Variants in INSC observed in about 807,000 individuals in gnomAD.
INSC encodes INSC spindle orientation adaptor protein.
Under a neutral mutation model 58.6 loss-of-function variants are expected in INSC, and 67 were observed. The ratio of observed to expected loss-of-function variants is 1.14; its 90% CI spans 0.94 to 1.40. The LOEUF is 1.40. INSC is among the 40% of genes most tolerant of loss of function. The pLI is 0.00. For synonymous variants in INSC, 262 were observed against 276.1 expected (o/e 0.95, Z 0.51); for missense variants, 714 against 692.0 (o/e 1.03, Z -0.36).
At chr11:15,163,083 C>T (rs1254584853) in intron 2 of INSC, among the ~76,000 whole-genome samples, 1 of 152,208 alleles carries the variant, frequency 6.6e-6, no homozygotes, top group Non-Finnish European at 1.5e-5. Flanking sequence ...CCCAACATCA[C>T]TCTGTCATCA....
chr11:15,156,553 A>G lies in INSC; in HGVS notation c.56+7323A>G, dbSNP rs1045894519. Among the ~76,000 whole-genome samples the G allele has an allele frequency of 3.3e-5, 5 of 152,244 alleles. No individual in the cohort carries two copies. The South Asian group carries it at 8.3e-4, about 25-fold the overall frequency. On this transcript the variant is annotated intron_variant, in intron 2 of 12. Coordinates refer to ENST00000379556, the MANE Select transcript of INSC (RefSeq NM_001042536.3). ...GATTGTTTTGAGGGTTAATTAAGCC[A>G]TTAAGATTGAATCAAGCATTTAGCA...
chr11:15,137,533 C>G (rs1277871868), intron 1 of INSC, among the ~76,000 whole-genome samples: 1 of 152,224 alleles, frequency 6.6e-6, no homozygotes, highest in Non-Finnish European at 1.5e-5. Flanking sequence ...ACTTGCTGCA[C>G]TTCTCCATCA....
At chr11:15,192,576 T>C (rs1850219487) in intron 6 of INSC, among the ~76,000 whole-genome samples, 1 of 152,200 alleles carries the variant, frequency 6.6e-6, no homozygotes, top group South Asian at 2.1e-4. Flanking sequence ...ACAAAGTGGG[T>C]ACTCAAAGAG....
chr11:15,175,855 TGCACAGGGTGA>T lies in INSC; in HGVS notation c.172_182del (p.Ala58ProfsTer24), dbSNP rs1332131700. ...CCAAGCCCATCAGCCTGGAAGAGGA[TGCACAGGGTGA>T]CCTCATCCTGGCAGGTGGCCCTGGC... is the stretch of plus-strand genomic sequence containing the variant. On this transcript the variant is annotated frameshift_variant, in exon 3 of 13. Coordinates refer to ENST00000379556, the MANE Select transcript of INSC (RefSeq NM_001042536.3). LOFTEE classifies it high-confidence loss of function. The T allele has an allele frequency of 6.2e-7, 1 of 1,613,920 alleles. No homozygotes were observed. Among genetic ancestry groups the T allele is most frequent in the Non-Finnish European group, 8.5e-7 (1 of 1,179,802 alleles).
intron 5 of INSC, among the ~76,000 whole-genome samples, chr11:15,185,253 A>G (rs1849920987): frequency 6.6e-6 from 1 of 152,234 alleles, no homozygotes; most frequent in African/African-American, 2.4e-5. Flanking sequence ...TAAGCAATGT[A>G]GTACACAAAC....
intron 5 of INSC, among the ~76,000 whole-genome samples, chr11:15,179,154 T>C (rs1222452174): frequency 6.6e-6 from 1 of 152,116 alleles, no homozygotes; most frequent in Non-Finnish European, 1.5e-5. Context: ...CTCGTTTTCC[T>C]CCTCTATAAA....
chr11:15,233,916 C>T (rs919711066), intron 9 of INSC, among the ~76,000 whole-genome samples: 4 of 152,174 alleles, frequency 2.6e-5, no homozygotes, highest in African/African-American at 4.8e-5. Flanking sequence ...CCGTGTACCT[C>T]CTCCCTCATA....
At chr11:15,251,322 G>A (rs116874662), downstream of INSC, among the ~76,000 whole-genome samples, 821 of 152,332 alleles carry the variant, frequency 5.4e-3, 7 homozygotes, top group Admixed American at 0.017. Context: ...AAACATAGGT[G>A]TAAATCTTTA....
chr11:15,252,904 A>G, the INSC span, among the ~76,000 whole-genome samples: 1 of 152,196 alleles, frequency 6.6e-6, no homozygotes, highest in Non-Finnish European at 1.5e-5. Flanking sequence ...AATTTCAGGA[A>G]GTCTAATGTG....
chr11:15,200,470 A>G (rs1399023936), intron 6 of INSC, among the ~76,000 whole-genome samples: 2 of 151,964 alleles, frequency 1.3e-5, no homozygotes, highest in African/African-American at 2.4e-5. Flanking sequence ...GGCCTGCTCT[A>G]TGGGAGGCTG....
the INSC span, among the ~76,000 whole-genome samples, chr11:15,256,074 A>G: frequency 2.0e-5 from 3 of 152,190 alleles, no homozygotes; most frequent in Non-Finnish European, 4.4e-5. Context: ...ATGATCATGC[A>G]TGACAGCTGG....
intron 6 of INSC, among the ~76,000 whole-genome samples, chr11:15,197,780 C>A (rs184846284): frequency 3.3e-5 from 5 of 152,310 alleles, no homozygotes; most frequent in African/African-American, 1.2e-4. Flanking sequence ...TTATCCCCCC[C>A]ACCAATAACT....
chr11:15,245,295 G>A (rs1171381109), intron 12 of INSC, among the ~76,000 whole-genome samples: 1 of 152,134 alleles, frequency 6.6e-6, no homozygotes, highest in Non-Finnish European at 1.5e-5. Context: ...ACAAGTAAGA[G>A]TATGAGCAAG....
intron 12 of INSC, among the ~76,000 whole-genome samples, chr11:15,242,157 A>G (rs1852380090): frequency 6.6e-6 from 1 of 152,226 alleles, no homozygotes; most frequent in South Asian, 2.1e-4. Flanking sequence ...ATTGGCCCCA[A>G]CTACCACTGC....
At chr11:15,154,883 C>T (rs1429357067) in intron 2 of INSC, among the ~76,000 whole-genome samples, 1 of 152,154 alleles carries the variant, frequency 6.6e-6, no homozygotes, top group Non-Finnish European at 1.5e-5. Flanking sequence ...AAGTTCTTCC[C>T]ATTCTTTCCT....
chr11:15,217,968 A>G (rs1851284105), intron 7 of INSC, among the ~76,000 whole-genome samples: 1 of 152,190 alleles, frequency 6.6e-6, no homozygotes, highest in Non-Finnish European at 1.5e-5. Context: ...TCGCAAAACA[A>G]TTGGCAATAC....
chr11:15,257,449 T>C, the INSC span, among the ~76,000 whole-genome samples: 1 of 152,204 alleles, frequency 6.6e-6, no homozygotes, highest in African/African-American at 2.4e-5. Flanking sequence ...TAAAAGATAC[T>C]AAATTATGTT....
At chr11:15,175,143 G>C (rs939688566) in intron 2 of INSC, among the ~76,000 whole-genome samples, 1 of 152,146 alleles carries the variant, frequency 6.6e-6, no homozygotes, top group Non-Finnish European at 1.5e-5. Context: ...TACTCCTTAA[G>C]AGCCTTTAGC....
intron 9 of INSC, among the ~76,000 whole-genome samples, chr11:15,229,869 G>A (rs1851778003): frequency 7.0e-6 from 1 of 142,326 alleles, no homozygotes; most frequent in Non-Finnish European, 1.5e-5. Flanking sequence ...ACCAGCCTGG[G>A]CAACGTGGCA....
Sources: allele counts gnomAD v4.1 joint callset (sites outside exome capture counted in the v4.1 genomes callset), GRCh38; gene constraint gnomAD v4.1.1; transcripts MANE v1.5; gene names NCBI Gene and HGNC (gene_info 2026-07-23, HGNC 2026-07-21).